Variants in RRP12 observed in about 807,000 individuals in gnomAD.
RRP12 encodes the protein ribosomal RNA processing 12 homolog, also known as RRP12-like protein.
Under a neutral mutation model 157.3 loss-of-function variants are expected in RRP12, and 78 were observed. The ratio of observed to expected loss-of-function variants is 0.50; its 90% CI spans 0.41 to 0.60. RRP12 has a LOEUF of 0.60. Ranked by LOEUF, RRP12 falls within the 20% of genes least tolerant of loss-of-function variation. The pLI is 0.00. For synonymous variants in RRP12, 726 were observed against 670.9 expected (o/e 1.08, Z -1.27); for missense variants, 1,521 against 1,679.9 (o/e 0.91, Z 1.65).
In RRP12 at chr10:97,372,170, C is replaced by A; in HGVS notation, c.2250-4G>T. On this transcript the variant is annotated splice_polypyrimidine_tract_variant and splice_region_variant and intron_variant, in intron 19 of 33. Transcript: ENST00000370992. ...GACCAGGTCCAGGACAGACAATCTG[C>A]TCGGGGCAGGAGGACAAGGAGAGGG... 2 of 1,612,190 alleles carry A rather than the reference C, an allele frequency of 1.2e-6. No homozygotes were observed. The highest frequency in any genetic ancestry group is 1.7e-4 in the Middle Eastern group (1 of 6,052).
At chr10:97,358,129 T>C (rs1420886869) in intron 33 of RRP12, among the ~76,000 whole-genome samples, 1 of 151,692 alleles carries the variant, frequency 6.6e-6, no homozygotes, top group African/African-American at 2.4e-5. Flanking sequence ...GGTCAAGAGA[T>C]CGAGACCATC....
In RRP12 at chr10:97,390,411, T is replaced by C. The variant is rs756270413; in HGVS notation, c.753+12A>G. ...CCCCTTGCCCCATTTTCTAGGGAGC[T>C]AGTAGTCTCACCTTGGGCTTGGGAT... On this transcript the variant is annotated intron_variant, in intron 6 of 33. Transcript: ENST00000370992. 29 of 1,596,694 alleles carry C rather than the reference T, an allele frequency of 1.8e-5. No homozygotes were observed. The highest frequency in any genetic ancestry group is 2.2e-5 in the East Asian group (1 of 44,800).
At position 97,372,819 on chromosome 10, in the gene RRP12, G is replaced by A. The variant is rs1355986503; in HGVS notation, c.2182-16C>T. ...TGTTCACCAACTTGTGGCCCCGAGG[G>A]AATGAGGAGAAGAGAGTCATTGGGG... On this transcript the variant is annotated splice_polypyrimidine_tract_variant and intron_variant, in intron 18 of 33. Transcript: ENST00000370992. 2 of 1,556,544 alleles carry A rather than the reference G, an allele frequency of 1.3e-6. No individual in the cohort carries two copies. The highest frequency in any genetic ancestry group is 1.2e-5 in the South Asian group (1 of 84,522).
At chr10:97,367,815 T>C (rs1365415316) in intron 25 of RRP12, among the ~76,000 whole-genome samples, 1 of 152,170 alleles carries the variant, frequency 6.6e-6, no homozygotes, top group Non-Finnish European at 1.5e-5. Flanking sequence ...CACTGCAACC[T>C]CCACCTCCTG....
intron 10 of RRP12, among the ~76,000 whole-genome samples, chr10:97,383,139 C>T (rs1844516845): frequency 6.6e-6 from 1 of 152,184 alleles, no homozygotes; most frequent in East Asian, 1.9e-4. Flanking sequence ...TAGCTTGCTT[C>T]CAGTTTTTAT....
At position 97,398,039 on chromosome 10, in the gene RRP12, A is replaced by ATATATTTTT. The variant is rs1436494245; in HGVS notation, c.370-1739_370-1738insAAAAATATA. Among the ~76,000 whole-genome samples, 34 of 56,028 alleles carry ATATATTTTT rather than the reference A, an allele frequency of 6.1e-4. 2 individuals carry two copies. The highest frequency in any genetic ancestry group is 9.2e-4 in the Non-Finnish European group (29 of 31,604). 36.8% of individuals were successfully genotyped at this position (56,028 alleles called of 152,430 possible). On this transcript the variant is annotated intron_variant, in intron 2 of 33. Transcript: ENST00000370992. ...TATATATATGTATATATATATACGT[A>ATATATTTTT]TTTTTTTTTTTTTTTTTTTTTTTTT...
At position 97,401,237 on chromosome 10, in the gene RRP12, C is replaced by CT. The variant is rs778904013; in HGVS notation, c.-7dup. On this transcript the variant is annotated 5_prime_UTR_variant, in exon 1 of 34. Coordinates refer to ENST00000370992, the MANE Select transcript of RRP12 (RefSeq NM_015179.4). Reference sequence around the variant, plus strand: ...AACTTTCCCGAGCGACCCATGTTGACTAAGCCGTGGCGAGGAATGAGCTTA... The same window carrying CT: ...AACTTTCCCGAGCGACCCATGTTGACTTAAGCCGTGGCGAGGAATGAGCTTA... The CT allele has an allele frequency of 1.2e-6, 2 of 1,614,070 alleles. No individual in the cohort carries two copies. Among genetic ancestry groups the CT allele is most frequent in the Non-Finnish European group, 1.7e-6 (2 of 1,179,988 alleles).
At chr10:97,396,340 C>A (rs1844964884) in intron 2 of RRP12, 39 bp from the exon 3 acceptor site, 1 of 1,505,036 alleles carries the variant, frequency 6.6e-7, no homozygotes, top group Non-Finnish European at 9.2e-7. Flanking sequence ...TATTTTAGAC[C>A]TAACCCCACC....
At chr10:97,376,942 C>T (rs921917944) in intron 15 of RRP12, among the ~76,000 whole-genome samples, 1 of 148,562 alleles carries the variant, frequency 6.7e-6, no homozygotes, top group Non-Finnish European at 1.5e-5. Flanking sequence ...TGAAGTGGTG[C>T]GATCTTGGCT....
rs751120105 is a variant in RRP12, at chr10:97,363,854, A to G, written c.3567T>C (p.Asn1189=). 1.9e-6 allele frequency: 3 copies of G among 1,613,508 alleles called. No homozygotes were observed. The part of the protein sequence containing the change: ...ADPMEDVIIR[N]KKHQKLKHQK... The stretch of plus-strand genomic sequence containing the variant: ...CCCCCCATCTGCAGGAACTACTCAC[A>G]TTCCTGATGATCACATCTTCCATTG... Residue 1189 remains asparagine (N), a splice_region_variant and synonymous_variant, in exon 30 of 34, where the codon AAT becomes AAC. Coordinates refer to ENST00000370992, the MANE Select transcript of RRP12 (RefSeq NM_015179.4).
chr10:97,393,852 T>C lies in RRP12; in HGVS notation c.454-92A>G, dbSNP rs1290557591. On this transcript the variant is annotated intron_variant, in intron 3 of 33. Coordinates refer to ENST00000370992, the MANE Select transcript of RRP12 (RefSeq NM_015179.4). ...GGGGAACATGTGCCCAGCAGAACAGTTGTGACTGAGAACCACGGTATCAGA... is the reference window on the plus strand; with the variant it reads ...GGGGAACATGTGCCCAGCAGAACAGCTGTGACTGAGAACCACGGTATCAGA... The C allele has an allele frequency of 3.1e-5, 33 of 1,051,032 alleles. No homozygotes were observed. In the East Asian group the frequency reaches 3.8e-4, roughly 12 times the overall value. 65.1% of individuals were successfully genotyped at this position (1,051,032 alleles called of 1,614,324 possible). A position where few individuals can be genotyped will look rare whatever the true frequency, so the allele number is the denominator to read the frequency against.
chr10:97,386,060 T>C, intron 8 of RRP12, 67 bp from the exon 9 acceptor site: 1 of 1,036,728 alleles, frequency 9.6e-7, no homozygotes, highest in Non-Finnish European at 1.5e-6. Flanking sequence ...ACCCCTCAAC[T>C]CCACCTGTGT....
chr10:97,387,901 C>T (rs568539987), intron 8 of RRP12: 127 of 190,060 alleles, frequency 6.7e-4, no homozygotes, highest in Middle Eastern at 2.2e-3. Context: ...AAGATCGCGC[C>T]ATTGCACTCC....
At chr10:97,388,198 C>A (rs1228983064) in intron 8 of RRP12, 54 bp downstream of exon 8, 14 of 1,610,008 alleles carry the variant, frequency 8.7e-6, no homozygotes, top group Non-Finnish European at 1.1e-5. Flanking sequence ...AGTGAGTTCC[C>A]CAAATGCCAC....
At chr10:97,381,311 G>A in intron 12 of RRP12, 75 bp downstream of exon 12, 1 of 1,072,152 alleles carries the variant, frequency 9.3e-7, no homozygotes, top group Non-Finnish European at 1.3e-6. Flanking sequence ...TAGGTGGAGA[G>A]TGGAGCATTC....
At chr10:97,362,261 G>A (rs1318042633) in intron 30 of RRP12, among the ~76,000 whole-genome samples, 1 of 152,190 alleles carries the variant, frequency 6.6e-6, no homozygotes, top group African/African-American at 2.4e-5. Flanking sequence ...GCCCGGGGCA[G>A]TGGGGGACAT....
intron 10 of RRP12, 37 bp from the exon 11 acceptor site, chr10:97,381,863 A>G: frequency 1.3e-6 from 2 of 1,527,776 alleles, no homozygotes; most frequent in Non-Finnish European, 1.8e-6. Flanking sequence ...GCCTGGCCTG[A>G]GCCCTGGGGA....
At chr10:97,400,640 G>A (rs1238809890) in intron 1 of RRP12, 106 bp from the exon 2 acceptor site, 20 of 860,634 alleles carry the variant, frequency 2.3e-5, no homozygotes, top group Middle Eastern at 2.3e-4. Context: ...AACCCGAGAG[G>A]CTGAATTCTG....
chr10:97,393,685 G>A lies in RRP12; in HGVS notation c.529C>T (p.Arg177Cys), dbSNP rs183677741. 1.9e-5 allele frequency: 30 copies of A among 1,613,534 alleles called. No homozygotes were observed. The African/African-American group carries it at 1.9e-4, about 10-fold the overall frequency. The change falls in exon 4 of 34, where the codon CGT (arginine) becomes TGT (cysteine). Residue 177 changes from arginine to cysteine, a missense_variant and splice_region_variant. Arg to Cys is a radical substitution (Grantham distance 180, BLOSUM62 -3). Transcript: ENST00000370992. ...GTTCAAACAGGAGGCAGAACTCACC[G>A]CTTCAGGACAAGGTTCAGCAGGTAA... ...VAYLLNLVLK[R>C]VPSPVLIKKF...
Sources: gnomAD v4.1 joint callset for allele counts (sites outside exome capture counted in the v4.1 genomes callset) on GRCh38, gnomAD v4.1.1 for gene constraint, MANE v1.5 for transcripts, NCBI Gene and HGNC (gene_info 2026-07-23, HGNC 2026-07-21) for gene names.